Variants in GALM observed in about 807,000 individuals in gnomAD.
GALM encodes the protein aldose 1-epimerase.
GALM carries 43 observed loss-of-function variants against 37.4 expected under a neutral mutation model. That is an observed-to-expected ratio of 1.15 (90% CI 0.90 to 1.48). The LOEUF (loss-of-function observed/expected upper bound fraction) is 1.48. Among genes scored for constraint, GALM ranks in the 40% most tolerant of loss-of-function variants. GALM has a pLI of 0.00. For synonymous variants in GALM, 199 were observed against 170.6 expected (o/e 1.17, Z -1.30); for missense variants, 456 against 419.1 (o/e 1.09, Z -0.77).
intron 3 of GALM, among the ~76,000 whole-genome samples, chr2:38,686,192 TAA>T (rs201779760): frequency 7.3e-6 from 1 of 136,404 alleles, no homozygotes. Flanking sequence ...CTCTAGTGCT[TAA>T]AAAAAAAAAA....
At chr2:38,721,169 A>G (rs985917882) in intron 4 of GALM, among the ~76,000 whole-genome samples, 2 of 152,248 alleles carry the variant, frequency 1.3e-5, no homozygotes, top group African/African-American at 2.4e-5. Context: ...GACAAGAGAT[A>G]TGAATCAAGG....
intron 1 of GALM, among the ~76,000 whole-genome samples, chr2:38,675,203 A>G (rs1665213861): frequency 6.6e-6 from 1 of 152,172 alleles, no homozygotes; most frequent in South Asian, 2.1e-4. Flanking sequence ...AAATAGTTTT[A>G]TAAAAAGAAA....
chr2:38,681,491 G>C lies in GALM; in HGVS notation c.552+5G>C, dbSNP rs768558180. On this transcript the variant is annotated splice_donor_5th_base_variant and intron_variant, in intron 3 of 6. Coordinates refer to ENST00000272252, the MANE Select transcript of GALM (RefSeq NM_138801.3). ...TACTTCAACCTGGCAGGCCAGGTAAGTGAACTTGTTTCTTCTTTCCTGCTT... is the reference window on the plus strand; with the variant it reads ...TACTTCAACCTGGCAGGCCAGGTAACTGAACTTGTTTCTTCTTTCCTGCTT... 1.9e-6 allele frequency: 3 copies of C among 1,609,368 alleles called. No individual in the cohort carries two copies. The highest frequency in any genetic ancestry group is 2.6e-6 in the Non-Finnish European group (3 of 1,175,702).
At chr2:38,678,732 T>G (rs1308934175) in intron 2 of GALM, among the ~76,000 whole-genome samples, 2 of 152,194 alleles carry the variant, frequency 1.3e-5, no homozygotes, top group Non-Finnish European at 2.9e-5. Context: ...GGCAGAGACC[T>G]CCGTTCCTGC....
chr2:38,715,531 G>A (rs1030071645), intron 4 of GALM, among the ~76,000 whole-genome samples: 3 of 152,096 alleles, frequency 2.0e-5, no homozygotes, highest in Admixed American at 6.6e-5. Context: ...TCATCCTCCT[G>A]GGCTCAAGTG....
intron 4 of GALM, among the ~76,000 whole-genome samples, chr2:38,693,566 T>C (rs1665734147): frequency 6.6e-6 from 1 of 151,960 alleles, no homozygotes; most frequent in Non-Finnish European, 1.5e-5. Context: ...AAATATGCAC[T>C]ATCTACCGAC....
chr2:38,689,744 G>C, intron 3 of GALM, 69 bp from the exon 4 acceptor site: 1 of 921,954 alleles, frequency 1.1e-6, no homozygotes, highest in South Asian at 1.6e-5. Context: ...ATTTTTGCAA[G>C]ATAAGTTAAA....
chr2:38,683,562 A>G (rs1374872794), intron 3 of GALM, among the ~76,000 whole-genome samples: 1 of 151,162 alleles, frequency 6.6e-6, no homozygotes, highest in African/African-American at 2.5e-5. Context: ...TTCAGATTTT[A>G]GATTGTCCTC....
chr2:38,692,865 T>C lies in GALM; in HGVS notation c.634+2971T>C, dbSNP rs1665708791. On this transcript the variant is annotated intron_variant, in intron 4 of 6. Coordinates refer to ENST00000272252, the MANE Select transcript of GALM (RefSeq NM_138801.3). ...AGGAGAAAGGTGTTCCAGATAAAGATGAACAAGCGTGGGCGGTGCAAGAAA... is the reference window on the plus strand; with the variant it reads ...AGGAGAAAGGTGTTCCAGATAAAGACGAACAAGCGTGGGCGGTGCAAGAAA... Among the ~76,000 whole-genome samples, 3 of 152,120 alleles carry C rather than the reference T, an allele frequency of 2.0e-5. No individual in the cohort carries two copies. In the South Asian group the frequency reaches 6.2e-4, roughly 31 times the overall value.
chr2:38,697,053 G>A (rs542078859), intron 4 of GALM, among the ~76,000 whole-genome samples: 1 of 152,182 alleles, frequency 6.6e-6, no homozygotes, highest in East Asian at 1.9e-4. Context: ...GCCTCCCAAA[G>A]TGCTGGGATT....
intron 1 of GALM, among the ~76,000 whole-genome samples, chr2:38,672,810 C>T (rs1665144265): frequency 6.6e-6 from 1 of 151,662 alleles, no homozygotes; most frequent in African/African-American, 2.4e-5. Flanking sequence ...AGTTTGAGAC[C>T]AGCCTGGCCA....
At chr2:38,681,673 T>G (rs1665400176) in intron 3 of GALM, among the ~76,000 whole-genome samples, 187 bp downstream of exon 3, 1 of 152,236 alleles carries the variant, frequency 6.6e-6, no homozygotes, top group Non-Finnish European at 1.5e-5. Context: ...GACAGAATGA[T>G]TACATTGTAC....
At chr2:38,687,237 C>G (rs993770662) in intron 3 of GALM, among the ~76,000 whole-genome samples, 1 of 152,248 alleles carries the variant, frequency 6.6e-6, no homozygotes, top group African/African-American at 2.4e-5. Flanking sequence ...GAGACATCCT[C>G]TCTAGGCTAG....
chr2:38,670,474 C>T (rs1218730918), intron 1 of GALM, among the ~76,000 whole-genome samples: 1 of 152,216 alleles, frequency 6.6e-6, no homozygotes, highest in African/African-American at 2.4e-5. Flanking sequence ...CCCAGGAGCA[C>T]CCTGGTGGGA....
rs771114261 is a variant in GALM at position 38,695,600 on chromosome 2, C to T, written c.634+5706C>T. Among the ~76,000 whole-genome samples, 26 of 152,178 alleles carry T rather than the reference C, an allele frequency of 1.7e-4. No homozygotes were observed. The East Asian group carries it at 1.7e-3, about 10-fold the overall frequency. ...TTTTGCATATGAATGACTTTTACTGCGTAAATCAGTTATTTTGCTTACCAT... is the reference window on the plus strand; with the variant it reads ...TTTTGCATATGAATGACTTTTACTGTGTAAATCAGTTATTTTGCTTACCAT... On this transcript the variant is annotated intron_variant, in intron 4 of 6. Transcript: ENST00000272252.
intron 4 of GALM, among the ~76,000 whole-genome samples, chr2:38,725,606 T>A (rs547965440): frequency 6.6e-6 from 1 of 152,244 alleles, no homozygotes; most frequent in South Asian, 2.1e-4. Flanking sequence ...TCCTAGCTAC[T>A]CAGGAGGCTG....
At chr2:38,717,883 G>A (rs1666302006) in intron 4 of GALM, among the ~76,000 whole-genome samples, 1 of 151,784 alleles carries the variant, frequency 6.6e-6, no homozygotes, top group Non-Finnish European at 1.5e-5. Context: ...AGCCCAGGCT[G>A]GAGTGCAGTG....
intron 4 of GALM, among the ~76,000 whole-genome samples, chr2:38,694,128 G>T (rs1455893080): frequency 1.3e-5 from 2 of 152,146 alleles, no homozygotes; most frequent in African/African-American, 4.8e-5. Flanking sequence ...GCTGCAGTGA[G>T]CTGTGATTGT....
chr2:38,681,222 T>C, intron 2 of GALM, 58 bp from the exon 3 acceptor site: 2 of 1,243,304 alleles, frequency 1.6e-6, no homozygotes, highest in South Asian at 2.4e-5. Flanking sequence ...AATATTGAAA[T>C]ATGGCATTTA....
Sources: gnomAD v4.1 joint callset for allele counts (sites outside exome capture counted in the v4.1 genomes callset) on GRCh38, gnomAD v4.1.1 for gene constraint, MANE v1.5 for transcripts, NCBI Gene and HGNC (gene_info 2026-07-23, HGNC 2026-07-21) for gene names.